UMODL1: variants seen among roughly 807,000 people sequenced by gnomAD.
UMODL1 encodes the protein uromodulin-like 1.
Under a neutral mutation model 136.3 loss-of-function variants are expected in UMODL1, and 128 were observed. The ratio of observed to expected loss-of-function variants is 0.94; its 90% confidence interval spans 0.81 to 1.09. UMODL1 has a LOEUF of 1.09. UMODL1 is among the 50% of genes least tolerant of loss of function. The pLI is 0.00. For synonymous variants in UMODL1, 721 were observed against 720.0 expected (o/e 1.00, Z -0.02); for missense variants, 1,766 against 1,725.6 (o/e 1.02, Z -0.41).
Position 42,084,133 on chromosome 21 carries a change from A to C in UMODL1, c.369A>C (p.Ala123=). ...CGTCAAGACCTGGGGCCTGCCCCGC[A>C]GAGGGGCCTGAACCATCCACCTCCC... The part of the protein sequence containing the change: ...QFTSRPGACP[A]EGPEPSTSPC... Residue 123 remains alanine (A), a synonymous_variant, in exon 3 of 23, where the codon GCA becomes GCC. Transcript: ENST00000408910. The C allele has an allele frequency of 6.2e-7, 1 of 1,614,026 alleles. No homozygotes were observed. Among genetic ancestry groups the C allele is most frequent in the South Asian group, 1.1e-5 (1 of 91,068 alleles).
upstream of UMODL1, among the ~76,000 whole-genome samples, chr21:42,069,434 T>C (rs1184092135): frequency 6.6e-6 from 1 of 152,218 alleles, no homozygotes; most frequent in Non-Finnish European, 1.5e-5. Flanking sequence ...TATTATGAAG[T>C]CCTCAACTGG....
rs1391964627 is a variant in UMODL1, at chr21:42,085,507, G to A, written c.603+95G>A. 1 of 1,581,082 alleles carries A rather than the reference G, an allele frequency of 6.3e-7. No individual in the cohort carries two copies. The highest frequency in any genetic ancestry group is 1.4e-5 in the African/African-American group (1 of 74,060). On this transcript the variant is annotated intron_variant, in intron 4 of 22. Transcript: ENST00000408910. The surrounding 1 kb of genome is among the most constrained non-coding windows in gnomAD (Gnocchi z 4.5). ...GCCGTGGAAGGGACCTGGGGGTTGG[G>A]GAGGGTGATGTTCCCCAAATGGCCC...
intron 22 of UMODL1, 126 bp from the exon 23 acceptor site, chr21:42,141,970 C>T (rs1312830778): frequency 6.6e-6 from 1 of 152,286 alleles, no homozygotes; most frequent in East Asian, 1.9e-4. Flanking sequence ...TGTCCCTCTC[C>T]AGTAAACATA....
At chr21:42,090,725 G>T (rs546724743) in intron 6 of UMODL1, among the ~76,000 whole-genome samples, 1 of 152,200 alleles carries the variant, frequency 6.6e-6, no homozygotes, top group Non-Finnish European at 1.5e-5. Context: ...GCAGTCCCAC[G>T]TGTGTTGTTA....
chr21:42,072,407 T>C (rs1418721313), intron 1 of UMODL1, among the ~76,000 whole-genome samples: 1 of 152,242 alleles, frequency 6.6e-6, no homozygotes, highest in Non-Finnish European at 1.5e-5. Context: ...AGAAGCAGGA[T>C]TTTGCTTTGT....
intron 4 of UMODL1, 62 bp from the exon 5 acceptor site, chr21:42,088,232 T>C: frequency 6.4e-7 from 1 of 1,561,782 alleles, no homozygotes; most frequent in Non-Finnish European, 8.7e-7. Context: ...CGGGCCTCAG[T>C]CTCCTCGTCT....
chr21:42,100,371 G>A (rs1204408214), intron 7 of UMODL1, among the ~76,000 whole-genome samples: 1 of 152,114 alleles, frequency 6.6e-6, no homozygotes, highest in Non-Finnish European at 1.5e-5. Context: ...ATGGCGGAAT[G>A]AGCGACCTTC....
chr21:42,081,391 T>C (rs190048634), intron 2 of UMODL1, among the ~76,000 whole-genome samples: 4 of 152,354 alleles, frequency 2.6e-5, no homozygotes, highest in Non-Finnish European at 4.4e-5. Context: ...TGCCAGGAGC[T>C]GAGCAGTTCT....
In UMODL1 at chr21:42,122,714, C is replaced by A; in HGVS notation, c.2828-117C>A. The stretch of plus-strand genomic sequence containing the variant: ...GTAGTTGTGGCTGGAACATGCGGTT[C>A]CCAGGTGTGGCTGCTGCAGAGTGCA... On this transcript the variant is annotated intron_variant, in intron 16 of 22. Transcript: ENST00000408910. This position sits in a 1 kb window ranked among gnomAD's most constrained non-coding sequence, Gnocchi z 4.3. 9.8e-7 allele frequency: 1 copy of A among 1,024,520 alleles called. No individual in the cohort carries two copies. Among genetic ancestry groups the A allele is most frequent in the Non-Finnish European group, 1.4e-6 (1 of 721,806 alleles). 63.5% of individuals were successfully genotyped at this position (1,024,520 alleles called of 1,614,324 possible).
Position 42,111,566 on chromosome 21 carries a change from G to A in UMODL1, c.1960G>A (p.Gly654Ser), listed in dbSNP as rs1222769097. The A allele has an allele frequency of 1.5e-5, 24 of 1,613,926 alleles. No individual in the cohort carries two copies. The African/African-American group carries it at 1.6e-4, about 11-fold the overall frequency. ...SWPSPTEDPT[G>S]HFLWHATRST... is the part of the protein sequence containing the mutation. ...GCCTTCCCCTACTGAGGACCCCACC[G>A]GCCACTTCCTGTGGCATGCCACCCG... Residue 654 changes from glycine to serine, a missense_variant, in exon 12 of 23, where the codon GGC (glycine) becomes AGC (serine). Transcript: ENST00000408910.
intron 21 of UMODL1, among the ~76,000 whole-genome samples, chr21:42,136,229 A>C (rs553944169): frequency 1.3e-5 from 2 of 152,286 alleles, no homozygotes; most frequent in Non-Finnish European, 2.9e-5. Flanking sequence ...AATTCACGTA[A>C]CCTCAAGCTA....
intron 9 of UMODL1, among the ~76,000 whole-genome samples, chr21:42,106,329 A>C (rs2066717706): frequency 6.6e-6 from 1 of 152,016 alleles, no homozygotes; most frequent in African/African-American, 2.4e-5. Context: ...ATTACTCGGC[A>C]AAAAAAACAA....
chr21:42,100,493 C>T (rs532350418), intron 7 of UMODL1, among the ~76,000 whole-genome samples: 4 of 152,156 alleles, frequency 2.6e-5, no homozygotes, highest in South Asian at 2.1e-4. Flanking sequence ...CGGCCACCCT[C>T]GACACAAGCC....
intron 4 of UMODL1, among the ~76,000 whole-genome samples, chr21:42,086,246 A>G (rs575174102): frequency 2.9e-4 from 44 of 152,194 alleles, no homozygotes; most frequent in Non-Finnish European, 2.1e-4. Flanking sequence ...GCCTCTGGAA[A>G]TGCCGAACAC....
rs752838040 is a variant in UMODL1 at position 42,085,423 on chromosome 21, C to T, written c.603+11C>T. On this transcript the variant is annotated intron_variant, in intron 4 of 22. Coordinates refer to ENST00000408910, the MANE Select transcript of UMODL1 (RefSeq NM_001004416.3). This position sits in a 1 kb window ranked among gnomAD's most constrained non-coding sequence, Gnocchi z 4.5. ...CTTCTGCATTCCTTGGTAGGTGAGA[C>T]AGACGGGGGCTGCCTGCACCCTCCT... is the stretch of plus-strand genomic sequence containing the variant. 2 of 1,613,642 alleles carry T rather than the reference C, an allele frequency of 1.2e-6. No homozygotes were observed. The highest frequency in any genetic ancestry group is 1.7e-6 in the Non-Finnish European group (2 of 1,179,884).
chr21:42,083,997 C>T (rs1323724406), intron 2 of UMODL1, 87 bp from the exon 3 acceptor site: 5 of 1,510,268 alleles, frequency 3.3e-6, no homozygotes, highest in Non-Finnish European at 4.5e-6. Context: ...GAATTCAGCA[C>T]CAGGAAGCAC....
chr21:42,100,124 C>T (rs1278439788), intron 7 of UMODL1, among the ~76,000 whole-genome samples: 2 of 152,154 alleles, frequency 1.3e-5, no homozygotes, highest in African/African-American at 2.4e-5. Flanking sequence ...AGTTCTCCCC[C>T]AGGCTGGCAT....
chr21:42,119,171 G>A lies in UMODL1; in HGVS notation c.2536G>A (p.Glu846Lys). 6.2e-7 allele frequency: 1 copy of A among 1,614,138 alleles called. No individual in the cohort carries two copies. Among genetic ancestry groups the A allele is most frequent in the Non-Finnish European group, 8.5e-7 (1 of 1,180,014 alleles). Residue 846 changes from glutamate (E) to lysine (K), a missense_variant, in exon 15 of 23, where the codon GAA becomes AAA. Transcript: ENST00000408910. ...QHMDAGGVRM[E>K]VVSVTNGSIV... is the part of the protein sequence containing the mutation. ...CATGGACGCTGGTGGGGTCAGGATG[G>A]AAGTCGTCAGCGTCACCAACGGCAG...
rs1284804503 is a variant in UMODL1, at chr21:42,071,343, G to T, written c.27G>T (p.Leu9=). 8 of 1,595,922 alleles carry T rather than the reference G, an allele frequency of 5.0e-6. No homozygotes were observed. The highest frequency in any genetic ancestry group is 6.8e-6 in the Non-Finnish European group (8 of 1,171,498). The change falls in exon 1 of 23, where the codon CTG becomes CTT. Residue 9 remains leucine (L), a synonymous_variant. Coordinates refer to ENST00000408910, the MANE Select transcript of UMODL1 (RefSeq NM_001004416.3). ...TGCTCAGGACCTCGGGGCTGGCACT[G>T]CTGGCTCTGGTCAGTGCTGTGGGCC... MLRTSGLA[L]LALVSAVGPS... is the part of the protein sequence containing the mutation.
Sources: gnomAD v4.1 joint callset for allele counts (sites outside exome capture counted in the v4.1 genomes callset) on GRCh38, gnomAD v4.1.1 for gene constraint, Gnocchi (gnomAD v3.1) non-coding constraint, MANE v1.5 for transcripts, NCBI Gene and HGNC (gene_info 2026-07-23, HGNC 2026-07-21) for gene names.